Variants in ADARB2 observed in about 807,000 individuals in gnomAD.
ADARB2 encodes the protein adenosine deaminase RNA specific B2 (inactive).
Under a neutral mutation model 62.2 loss-of-function variants are expected in ADARB2, and 25 were observed. That is an observed-to-expected ratio of 0.40 (90% CI 0.29 to 0.56). ADARB2 has a LOEUF of 0.56. Ranked by LOEUF, ADARB2 falls within the 20% of genes least tolerant of loss-of-function variation. ADARB2 has a pLI of 0.43. For missense variants in ADARB2, 1,071 were observed against 1,077.4 expected (o/e 0.99, Z 0.08); for synonymous variants, 572 against 500.8 (o/e 1.14, Z -1.90).
chr10:1,702,889 A>G (rs762447584), intron 1 of ADARB2, among the ~76,000 whole-genome samples: 3 of 152,396 alleles, frequency 2.0e-5, no homozygotes, highest in Non-Finnish European at 2.9e-5. Context: ...ACCACTTGCT[A>G]CAGTTATAAG....
intron 3 of ADARB2, among the ~76,000 whole-genome samples, chr10:1,351,044 C>T (rs372728433): frequency 3.9e-5 from 6 of 152,078 alleles, no homozygotes; most frequent in Admixed American, 2.0e-4. Context: ...ATCTGGCCAC[C>T]GGGCCAAGGA....
chr10:1,321,970 G>A (rs1349588430), intron 3 of ADARB2, among the ~76,000 whole-genome samples: 3 of 151,982 alleles, frequency 2.0e-5, no homozygotes, highest in Non-Finnish European at 2.9e-5. Flanking sequence ...TCTCGGTGAG[G>A]GATGAGAGCC....
intron 1 of ADARB2, among the ~76,000 whole-genome samples, chr10:1,706,968 G>C (rs540817232): frequency 1.2e-5 from 1 of 85,940 alleles, no homozygotes; most frequent in Admixed American, 1.1e-4. Context: ...GGGTTTCCCC[G>C]GGGCCTCCTG....
intron 4 of ADARB2, among the ~76,000 whole-genome samples, chr10:1,270,334 G>A (rs1831248843): frequency 6.6e-6 from 1 of 152,196 alleles, no homozygotes; most frequent in South Asian, 2.1e-4. Context: ...TCCCAAGTGT[G>A]TGAGAGTGTA....
intron 1 of ADARB2, among the ~76,000 whole-genome samples, chr10:1,564,954 C>T (rs1046409960): frequency 3.3e-5 from 5 of 152,312 alleles, no homozygotes; most frequent in Middle Eastern, 3.4e-3. Context: ...GCTCCTCCAG[C>T]GATTCAGGCC....
chr10:1,366,996 T>G (rs1479700081), intron 2 of ADARB2, among the ~76,000 whole-genome samples: 1 of 152,230 alleles, frequency 6.6e-6, no homozygotes, highest in Non-Finnish European at 1.5e-5. Flanking sequence ...CTGCTGGCCA[T>G]GTGGCCCGAA....
chr10:1,554,081 G>C (rs1832667311), intron 1 of ADARB2, among the ~76,000 whole-genome samples: 1 of 152,152 alleles, frequency 6.6e-6, no homozygotes, highest in South Asian at 2.1e-4. Context: ...ACAGAATCTG[G>C]GGTCTGAGTC....
chr10:1,212,395 G>T (rs967220552), intron 7 of ADARB2, among the ~76,000 whole-genome samples: 1 of 152,206 alleles, frequency 6.6e-6, no homozygotes, highest in Non-Finnish European at 1.5e-5. Flanking sequence ...GTACATCCTG[G>T]TCTATGCTCA....
intron 3 of ADARB2, among the ~76,000 whole-genome samples, chr10:1,275,439 A>C (rs1383883965): frequency 6.6e-6 from 1 of 152,162 alleles, no homozygotes; most frequent in Non-Finnish European, 1.5e-5. Flanking sequence ...TGGCGCCCTC[A>C]AGGGCAGGGC....
In ADARB2 at chr10:1,464,509, C is replaced by T. The variant is rs1425235087; in HGVS notation, c.101-85349G>A. ...CTGGGGGCAGTCACAGCAGGCAGCG[C>T]GCCGGAGAAGAGGGTGGACACACAC... On this transcript the variant is annotated intron_variant, in intron 1 of 9. Transcript: ENST00000381312. Among the ~76,000 whole-genome samples, 16 of 86,900 alleles carry T rather than the reference C, an allele frequency of 1.8e-4. 1 individual carries two copies. The highest frequency in any genetic ancestry group is 5.0e-4 in the African/African-American group (13 of 25,826). 57.0% of individuals were successfully genotyped at this position (86,900 alleles called of 152,430 possible). A position where few individuals can be genotyped will look rare whatever the true frequency, so the allele number is the denominator to read the frequency against.
In ADARB2 at chr10:1,316,267, G is replaced by C. The variant is rs116934231; in HGVS notation, c.1078-45198C>G. ...ACAGGCGGCGTCACACAGCAGGGAA[G>C]GGAGTGGATGGTGCCAGGCTGCTGG... On this transcript the variant is annotated intron_variant, in intron 3 of 9. Transcript: ENST00000381312. Among the ~76,000 whole-genome samples, 701 of 152,368 alleles carry C rather than the reference G, an allele frequency of 4.6e-3. 5 individuals carry two copies. The highest frequency in any genetic ancestry group is 0.023 in the East Asian group (119 of 5,188).
chr10:1,423,679 T>C (rs1006074926), intron 1 of ADARB2, among the ~76,000 whole-genome samples: 1 of 151,956 alleles, frequency 6.6e-6, no homozygotes, highest in Non-Finnish European at 1.5e-5. Flanking sequence ...CCACTATGTA[T>C]GCAGTAAGAC....
intron 1 of ADARB2, among the ~76,000 whole-genome samples, chr10:1,627,787 T>C (rs986095050): frequency 2.6e-5 from 4 of 152,172 alleles, no homozygotes; most frequent in African/African-American, 9.7e-5. Flanking sequence ...GATCACCCAT[T>C]CTCTAATATA....
chr10:1,367,472 G>A (rs750505874), intron 2 of ADARB2, among the ~76,000 whole-genome samples: 1 of 152,142 alleles, frequency 6.6e-6, no homozygotes, highest in Admixed American at 6.5e-5. Flanking sequence ...AGTTGATGGC[G>A]GCAGAAACCG....
At chr10:1,367,712 A>G (rs1443485621) in intron 2 of ADARB2, among the ~76,000 whole-genome samples, 1 of 152,142 alleles carries the variant, frequency 6.6e-6, no homozygotes. Context: ...GGTACTCTGT[A>G]ATTTCTTATT....
rs558881033 is a variant in ADARB2 at position 1,213,340 on chromosome 10, G to A, written c.1682+3611C>T. Among the ~76,000 whole-genome samples the A allele has an allele frequency of 3.3e-5, 5 of 152,212 alleles. No individual in the cohort carries two copies. The East Asian group carries it at 5.8e-4, about 18-fold the overall frequency. On this transcript the variant is annotated intron_variant, in intron 7 of 9. Coordinates refer to ENST00000381312, the MANE Select transcript of ADARB2 (RefSeq NM_018702.4). ...ACAGACGCAGAGACAGAGAGAGGCC[G>A]AGAGCGAGAGGAGGAGGGAGAAGAG... is the stretch of plus-strand genomic sequence containing the variant.
chr10:1,662,286 T>A (rs902525774), intron 1 of ADARB2, among the ~76,000 whole-genome samples: 2 of 152,154 alleles, frequency 1.3e-5, no homozygotes, highest in Non-Finnish European at 2.9e-5. Context: ...CCAGGCAGCC[T>A]CCAGGAGCCC....
At chr10:1,401,038 C>G (rs948607144) in intron 1 of ADARB2, among the ~76,000 whole-genome samples, 10 of 152,170 alleles carry the variant, frequency 6.6e-5, no homozygotes, top group South Asian at 2.1e-4. Context: ...CTGGAAAGAG[C>G]AAGCGCAGTA....
At chr10:1,526,208 C>A (rs1429606862) in intron 1 of ADARB2, among the ~76,000 whole-genome samples, 1 of 151,228 alleles carries the variant, frequency 6.6e-6, no homozygotes, top group Non-Finnish European at 1.5e-5. Context: ...GAGAGATGGC[C>A]TGGGGCAGGT....
Sources: gnomAD v4.1 joint callset for allele counts (sites outside exome capture counted in the v4.1 genomes callset) on GRCh38, gnomAD v4.1.1 for gene constraint, MANE v1.5 for transcripts, NCBI Gene and HGNC (gene_info 2026-07-23, HGNC 2026-07-21) for gene names.